The following PRDM11 variants were observed in gnomAD, a reference collection of about 807,000 sequenced individuals.
PRDM11 encodes PR domain-containing protein 11.
In PRDM11, 20 loss-of-function variants were observed where a neutral mutation model predicts 97.8. The ratio of observed to expected loss-of-function variants is 0.20; its 90% CI spans 0.14 to 0.30. PRDM11 has a LOEUF of 0.30. PRDM11 is among the 10% of genes least tolerant of loss of function. The pLI, the probability that PRDM11 is intolerant of heterozygous loss-of-function variation, is 1.00. For missense variants in PRDM11, 1,139 were observed against 1,555.2 expected (o/e 0.73, Z 4.50); for synonymous variants, 599 against 637.7 (o/e 0.94, Z 0.91).
intron 6 of PRDM11, among the ~76,000 whole-genome samples, chr11:45,222,091 C>T (rs1314853496): frequency 6.6e-6 from 1 of 152,166 alleles, no homozygotes; most frequent in Non-Finnish European, 1.5e-5. Flanking sequence ...TAAACTATTC[C>T]TTTGTGGTTA....
chr11:45,175,079 A>T (rs1852295304), intron 1 of PRDM11, among the ~76,000 whole-genome samples: 1 of 152,226 alleles, frequency 6.6e-6, no homozygotes, highest in Admixed American at 6.5e-5. Context: ...CTTCCCGGTT[A>T]TTAACATCCC....
At chr11:45,206,201 C>T (rs984297284) in intron 5 of PRDM11, among the ~76,000 whole-genome samples, 6 of 152,212 alleles carry the variant, frequency 3.9e-5, no homozygotes, top group African/African-American at 9.6e-5. Flanking sequence ...CCACCACACC[C>T]CATGCCCCAC....
chr11:45,214,055 G>T, intron 5 of PRDM11: 1 of 263,196 alleles, frequency 3.8e-6, no homozygotes, highest in South Asian at 4.5e-5. Flanking sequence ...GGCTTGGAGA[G>T]GCAGGGCCAG....
At chr11:45,212,427 C>T in intron 5 of PRDM11, 5 of 361,764 alleles carry the variant, frequency 1.4e-5, no homozygotes, top group South Asian at 1.0e-4. Flanking sequence ...CCTCCTTCTC[C>T]CTTTTGTAAC....
At chr11:45,147,054 G>C (rs914583459) in intron 1 of PRDM11, among the ~76,000 whole-genome samples, 177 bp downstream of exon 1, 2 of 146,074 alleles carry the variant, frequency 1.4e-5, no homozygotes, top group Non-Finnish European at 3.0e-5. Context: ...GCCGGCGCGG[G>C]GTGGGGGGCG....
At chr11:45,168,997 CTGT>C (rs1459827867) in intron 1 of PRDM11, among the ~76,000 whole-genome samples, 30 of 152,206 alleles carry the variant, frequency 2.0e-4, no homozygotes, top group African/African-American at 7.2e-4. Flanking sequence ...CCTCAGGGAA[CTGT>C]TAGGACTTCA....
chr11:45,234,046 G>A lies in PRDM11; in HGVS notation c.*5887G>A, dbSNP rs374087342. On this transcript the variant is annotated 3_prime_UTR_variant, in exon 8 of 8. Transcript: ENST00000683152. ...GGATACCCCAAGCTCATCCACTTTC[G>A]TTGGGGAGGGCCCCTCCCTGGGTTT... 6.6e-6 allele frequency: 1 copy of A among 152,306 alleles called. No individual in the cohort carries two copies. Among genetic ancestry groups the A allele is most frequent in the South Asian group, 2.1e-4 (1 of 4,840 alleles). 9.4% of individuals were successfully genotyped at this position (152,306 alleles called of 1,614,324 possible). A position where few individuals can be genotyped will look rare whatever the true frequency, so the allele number is the denominator to read the frequency against.
At chr11:45,206,102 G>C (rs1480166677) in intron 5 of PRDM11, among the ~76,000 whole-genome samples, 1 of 152,182 alleles carries the variant, frequency 6.6e-6, no homozygotes, top group Non-Finnish European at 1.5e-5. Context: ...CAGGTCAGCT[G>C]AGCACTTACA....
At chr11:45,119,635 A>C (rs1247671953) in intron 1 of PRDM11, among the ~76,000 whole-genome samples, 2 of 147,422 alleles carry the variant, frequency 1.4e-5, no homozygotes, top group Non-Finnish European at 3.0e-5. Context: ...AAAAAAAAAA[A>C]AAAAAAAAAA....
intron 1 of PRDM11, among the ~76,000 whole-genome samples, chr11:45,172,221 T>G (rs753748235): frequency 1.3e-5 from 2 of 152,216 alleles, no homozygotes; most frequent in Admixed American, 6.5e-5. Flanking sequence ...GGAGCTTCCA[T>G]GTTCTCGCTG....
rs1383380595 is a variant in PRDM11 at position 45,226,024 on chromosome 11, A to G, written c.1399A>G (p.Ile467Val). 6.6e-6 allele frequency: 10 copies of G among 1,509,530 alleles called. No homozygotes were observed. Among genetic ancestry groups the G allele is most frequent in the East Asian group, 5.0e-5 (2 of 40,176 alleles). The allele number at this position is 1,509,530 out of a possible 1,614,324, so 93.5% of individuals were successfully genotyped here. ...AGAAAGCATGGTCTCCGGCCCCGCC[A>G]TCATGGAGGATGATGACCAGGAAGT... ...ASESMVSGPA[I>V]MEDDDQEVDS... Residue 467 changes from isoleucine (I) to valine (V), a missense_variant, in exon 8 of 8, where the codon ATC (isoleucine) becomes GTC (valine). Around this residue, in one of 2 missense-constraint regions of PRDM11, gnomAD observed 710 missense variants for 1,044.9 expected, o/e 0.68. Coordinates refer to ENST00000683152, the MANE Select transcript of PRDM11 (RefSeq NM_001384648.1).
intron 4 of PRDM11, among the ~76,000 whole-genome samples, chr11:45,184,918 G>A (rs1048525386): frequency 6.6e-6 from 1 of 152,094 alleles, no homozygotes; most frequent in Admixed American, 6.5e-5. Flanking sequence ...AAGCTTTGAG[G>A]GACTTTAGCA....
intron 1 of PRDM11, among the ~76,000 whole-genome samples, chr11:45,101,679 G>A (rs1216525168): frequency 2.1e-5 from 3 of 139,880 alleles, no homozygotes; most frequent in Admixed American, 1.4e-4. Flanking sequence ...CTGAGCGGAG[G>A]AAGAAGAAGG....
chr11:45,182,264 C>T lies in PRDM11; in HGVS notation c.138C>T (p.Ser46=), dbSNP rs905126477. Residue 46 remains serine (S), a synonymous_variant, in exon 3 of 8, where the codon TCC becomes TCT. Coordinates refer to ENST00000683152, the MANE Select transcript of PRDM11 (RefSeq NM_001384648.1). Reference sequence around the variant, plus strand: ...TGGCCAGCTCTAGGAGACCGGACTCCTCGGCCATGGAAGTTGAGCCCAAGA... The same window carrying T: ...TGGCCAGCTCTAGGAGACCGGACTCTTCGGCCATGGAAGTTGAGCCCAAGA... ...YGQPCSRRPD[S]SAMEVEPKKL... is the part of the protein sequence containing the mutation. 1.2e-6 allele frequency: 2 copies of T among 1,613,864 alleles called. No individual in the cohort carries two copies. The highest frequency in any genetic ancestry group is 1.7e-6 in the Non-Finnish European group (2 of 1,180,014).
intron 1 of PRDM11, among the ~76,000 whole-genome samples, chr11:45,149,364 A>G (rs896220216): frequency 6.6e-6 from 1 of 152,188 alleles, no homozygotes; most frequent in African/African-American, 2.4e-5. Context: ...ATCCTCTCCT[A>G]GATCTCTCTG....
intron 4 of PRDM11, among the ~76,000 whole-genome samples, chr11:45,187,146 T>C (rs753626064): frequency 1.3e-5 from 2 of 152,158 alleles, no homozygotes; most frequent in African/African-American, 2.4e-5. Flanking sequence ...GGGAGGAAGC[T>C]TATTCCCAAC....
intron 4 of PRDM11, among the ~76,000 whole-genome samples, chr11:45,194,355 G>A (rs1032022951): frequency 9.9e-5 from 15 of 152,108 alleles, no homozygotes; most frequent in Admixed American, 3.3e-4. Flanking sequence ...TGGCTTTGCC[G>A]CAGAAGATTT....
chr11:45,189,297 A>G (rs1041136722), intron 4 of PRDM11, among the ~76,000 whole-genome samples: 8 of 152,186 alleles, frequency 5.3e-5, no homozygotes, highest in Non-Finnish European at 8.8e-5. Context: ...AATATACCAC[A>G]ATGGCATATT....
In PRDM11 at chr11:45,184,103, T is replaced by A. The variant is rs545683097; in HGVS notation, c.486+980T>A. 9.9e-5 allele frequency among the ~76,000 whole-genome samples: 15 copies of A among 152,240 alleles called. No homozygotes were observed. The East Asian group carries it at 1.2e-3, about 12-fold the overall frequency. ...TTGAGCTGTGATTGAAGGAGGTGAATGCCTACCAGGTGAAGATTGGAGAGG... is the reference window on the plus strand; with the variant it reads ...TTGAGCTGTGATTGAAGGAGGTGAAAGCCTACCAGGTGAAGATTGGAGAGG... On this transcript the variant is annotated intron_variant, in intron 4 of 7. Transcript: ENST00000683152.
Sources: gnomAD v4.1 joint callset for allele counts (sites outside exome capture counted in the v4.1 genomes callset) on GRCh38, gnomAD v4.1.1 for gene constraint, gnomAD v4.1.1 regional missense constraint, MANE v1.5 for transcripts, NCBI Gene and HGNC (gene_info 2026-07-23, HGNC 2026-07-21) for gene names.